The following CDH12 variants were observed in gnomAD, a reference collection of about 807,000 sequenced individuals.
CDH12 encodes the protein cadherin 12.
In CDH12, 41 loss-of-function variants were observed where a neutral mutation model predicts 74.1. The ratio of observed to expected loss-of-function variants is 0.55; its 90% CI spans 0.43 to 0.72. The LOEUF is 0.72. CDH12 is among the 30% of genes least tolerant of loss of function. The pLI is 0.00. For missense variants in CDH12, 945 were observed against 977.2 expected (o/e 0.97, Z 0.44); for synonymous variants, 399 against 355.0 (o/e 1.12, Z -1.39).
At chr5:21,942,347 TACAC>T (rs70957081) in intron 6 of CDH12, among the ~76,000 whole-genome samples, 40,341 of 129,142 alleles carry the variant, frequency 0.31, 6,785 homozygotes, top group East Asian at 0.44. Context: ...TATATATATA[TACAC>T]ACACACACAC....
chr5:22,667,806 T>C (rs1305007158), intron 1 of CDH12, among the ~76,000 whole-genome samples: 3 of 152,224 alleles, frequency 2.0e-5, no homozygotes, highest in Admixed American at 2.0e-4. Context: ...GCCCCATGTC[T>C]GATTTACATA....
At chr5:22,732,568 G>T (rs1240544358) in intron 1 of CDH12, among the ~76,000 whole-genome samples, 3 of 151,636 alleles carry the variant, frequency 2.0e-5, no homozygotes, top group African/African-American at 7.3e-5. Flanking sequence ...AGTTGCTGCA[G>T]ATGCAGTGGT....
chr5:22,524,461 C>A (rs1339736486), intron 1 of CDH12, among the ~76,000 whole-genome samples: 1 of 152,082 alleles, frequency 6.6e-6, no homozygotes, highest in Non-Finnish European at 1.5e-5. Context: ...GTCTAATATA[C>A]CCTACTATAT....
At chr5:22,411,356 A>G (rs1302664647) in intron 2 of CDH12, among the ~76,000 whole-genome samples, 1 of 151,892 alleles carries the variant, frequency 6.6e-6, no homozygotes, top group Non-Finnish European at 1.5e-5. Flanking sequence ...TGGATGATAA[A>G]CTGAGGTTCC....
In CDH12 at chr5:22,486,696, G is replaced by A. The variant is rs977652481; in HGVS notation, c.-428+18574C>T. 1.5e-4 allele frequency among the ~76,000 whole-genome samples: 23 copies of A among 151,924 alleles called. No individual in the cohort carries two copies. The East Asian group carries it at 2.0e-3, about 13-fold the overall frequency. ...CTTGAACTCTGACCTCAGGTGATCC[G>A]CCTGTCTTGGCCTCCCAAAGTGCTG... On this transcript the variant is annotated intron_variant, in intron 2 of 14. Transcript: ENST00000382254.
chr5:22,158,963 TA>T (rs2150317181), intron 4 of CDH12, among the ~76,000 whole-genome samples: 1 of 152,284 alleles, frequency 6.6e-6, no homozygotes, highest in Non-Finnish European at 1.5e-5. Flanking sequence ...AGTTAGCATA[TA>T]AAATAAAACT....
chr5:22,655,621 C>A (rs529900456), intron 1 of CDH12, among the ~76,000 whole-genome samples: 5 of 152,246 alleles, frequency 3.3e-5, no homozygotes, highest in Non-Finnish European at 5.9e-5. Context: ...ATTTTAAATA[C>A]CCTTTTTTGT....
chr5:22,270,700 T>C (rs1736360317), intron 3 of CDH12, among the ~76,000 whole-genome samples: 1 of 152,108 alleles, frequency 6.6e-6, no homozygotes, highest in Non-Finnish European at 1.5e-5. Flanking sequence ...AGACAGAGTT[T>C]TGCTCTTGTT....
chr5:21,964,681 G>T, intron 6 of CDH12, among the ~76,000 whole-genome samples: 1 of 151,894 alleles, frequency 6.6e-6, no homozygotes, highest in East Asian at 1.9e-4. Context: ...TGTTCTTTTT[G>T]ACTGGAAATG....
chr5:22,532,603 G>A (rs1029680223), intron 1 of CDH12, among the ~76,000 whole-genome samples: 1 of 151,110 alleles, frequency 6.6e-6, no homozygotes, highest in Non-Finnish European at 1.5e-5. Context: ...TTTTACCATT[G>A]GGAAGGACAG....
intron 2 of CDH12, among the ~76,000 whole-genome samples, chr5:22,438,760 C>T (rs1021776330): frequency 6.6e-6 from 1 of 151,708 alleles, no homozygotes; most frequent in African/African-American, 2.4e-5. Context: ...TAAATTAGGC[C>T]TCTCATAAAA....
intron 1 of CDH12, among the ~76,000 whole-genome samples, chr5:22,516,942 G>A (rs939923223): frequency 6.6e-6 from 1 of 151,952 alleles, no homozygotes; most frequent in African/African-American, 2.4e-5. Flanking sequence ...CCAGATGAAA[G>A]AAGTTTAGAT....
At chr5:21,817,449 G>C (rs1265094767) in intron 8 of CDH12, among the ~76,000 whole-genome samples, 4 of 151,540 alleles carry the variant, frequency 2.6e-5, no homozygotes, top group African/African-American at 9.7e-5. Context: ...TGGGAGGGTG[G>C]GACTATTCAT....
At chr5:21,884,844 T>C (rs1752543232) in intron 6 of CDH12, among the ~76,000 whole-genome samples, 2 of 152,220 alleles carry the variant, frequency 1.3e-5, no homozygotes, top group South Asian at 2.1e-4. Flanking sequence ...TTGAAACTAC[T>C]GTATGGGGTA....
intron 6 of CDH12, among the ~76,000 whole-genome samples, chr5:21,930,181 T>C (rs950118512): frequency 6.6e-6 from 1 of 152,090 alleles, no homozygotes; most frequent in Non-Finnish European, 1.5e-5. Flanking sequence ...GCTGTGAAAG[T>C]GATTAGTGCT....
intron 4 of CDH12, among the ~76,000 whole-genome samples, chr5:22,123,674 GT>G (rs1296927432): frequency 6.6e-5 from 10 of 152,174 alleles, no homozygotes; most frequent in African/African-American, 2.4e-4. Flanking sequence ...AAAGAAAAAT[GT>G]GTTGCCTTTG....
chr5:22,822,824 G>A (rs901276701), intron 1 of CDH12, among the ~76,000 whole-genome samples: 14 of 152,094 alleles, frequency 9.2e-5, no homozygotes, highest in East Asian at 1.9e-4. Context: ...AGTCAGTGTC[G>A]CCATTTCTCA....
chr5:21,782,542 C>A (rs541450072), intron 11 of CDH12, among the ~76,000 whole-genome samples: 1 of 151,978 alleles, frequency 6.6e-6, no homozygotes, highest in Admixed American at 6.6e-5. Flanking sequence ...TAAATTTGCA[C>A]CAGATGCACA....
intron 4 of CDH12, among the ~76,000 whole-genome samples, chr5:22,102,882 A>T (rs1744226240): frequency 6.6e-6 from 1 of 152,052 alleles, no homozygotes; most frequent in Non-Finnish European, 1.5e-5. Flanking sequence ...CAGCAAGAAG[A>T]TCCTCATCAG....
Sources: gnomAD v4.1 joint callset for allele counts (sites outside exome capture counted in the v4.1 genomes callset) on GRCh38, gnomAD v4.1.1 for gene constraint, MANE v1.5 for transcripts, NCBI Gene and HGNC (gene_info 2026-07-23, HGNC 2026-07-21) for gene names.